The following PLA2G5 variants were observed in gnomAD, a reference collection of about 807,000 sequenced individuals.
The protein encoded by PLA2G5 is phospholipase A2 group V, also known as Ca2+-dependent phospholipase A2.
A neutral mutation model predicts 15.9 loss-of-function variants in PLA2G5; 12 were observed. That is an observed-to-expected ratio of 0.76 (90% CI 0.48 to 1.23). The LOEUF is 1.23. Among genes scored for constraint, PLA2G5 ranks in the 50% most tolerant of loss-of-function variants. The pLI is 0.00. For synonymous variants in PLA2G5, 71 were observed against 71.4 expected (o/e 0.99, Z 0.03); for missense variants, 169 against 177.1 (o/e 0.95, Z 0.26).
At chr1:20,073,200 A>G (rs2015480582) in intron 1 of PLA2G5, among the ~76,000 whole-genome samples, 1 of 152,240 alleles carries the variant, frequency 6.6e-6, no homozygotes, top group Admixed American at 6.5e-5. Flanking sequence ...AGTGGAGAGC[A>G]TTTTAGGTGG....
At position 20,091,535 on chromosome 1, in the gene PLA2G5, C is replaced by T. The variant is rs571460295; in HGVS notation, c.*843C>T. Among the ~76,000 whole-genome samples the T allele has an allele frequency of 1.3e-5, 2 of 152,302 alleles. No individual in the cohort carries two copies. The highest frequency in any genetic ancestry group is 4.8e-5 in the African/African-American group (2 of 41,564). On this transcript the variant is annotated 3_prime_UTR_variant, in exon 5 of 5. Coordinates refer to ENST00000375108, the MANE Select transcript of PLA2G5 (RefSeq NM_000929.3). ...TCAGTCTCTTTGAGAAATAAACTGT[C>T]TTGTTCCTTGCAATGTAAAATGAGA...
At chr1:20,034,829 T>G (rs1272759467) in intron 1 of PLA2G5, among the ~76,000 whole-genome samples, 1 of 152,036 alleles carries the variant, frequency 6.6e-6, no homozygotes, top group Non-Finnish European at 1.5e-5. Flanking sequence ...CAGGCCATGG[T>G]CACCTGGTGA....
rs2013479508 is a variant in PLA2G5, at chr1:20,039,702, G to A, written n.276+10993G>A. On this transcript the variant is annotated intron_variant and non_coding_transcript_variant, in intron 1 of 6. Transcript: ENST00000460175. ...GAGAGAGAGAGAGAAGCCATTTTTT[G>A]TGTGCCATGTCTTATAAGAACTTTA... Among the ~76,000 whole-genome samples the A allele has an allele frequency of 3.9e-5, 6 of 152,130 alleles. No homozygotes were observed. The South Asian group carries it at 1.2e-3, about 32-fold the overall frequency.
At chr1:20,086,926 T>C (rs1030185969) in intron 3 of PLA2G5, among the ~76,000 whole-genome samples, 3 of 152,226 alleles carry the variant, frequency 2.0e-5, no homozygotes, top group African/African-American at 7.2e-5. Context: ...TTAACAATTC[T>C]GATACTGCTA....
intron 2 of PLA2G5, 133 bp downstream of exon 2, chr1:20,085,003 T>C: frequency 5.4e-6 from 4 of 747,568 alleles, no homozygotes; most frequent in Non-Finnish European, 9.8e-6. Flanking sequence ...TGCATAGACA[T>C]TCAGCAAGAG....
At chr1:20,045,069 T>C (rs2013820729) in intron 1 of PLA2G5, among the ~76,000 whole-genome samples, 1 of 152,134 alleles carries the variant, frequency 6.6e-6, no homozygotes, top group Admixed American at 6.5e-5. Context: ...GAAAGTGCCA[T>C]TTTCTGGTTA....
chr1:20,091,626 A>G lies in PLA2G5; in HGVS notation c.*934A>G, dbSNP rs1023200500. Among the ~76,000 whole-genome samples the G allele has an allele frequency of 6.6e-6, 1 of 151,752 alleles. No homozygotes were observed. Among genetic ancestry groups the G allele is most frequent in the Non-Finnish European group, 1.5e-5 (1 of 67,952 alleles). On this transcript the variant is annotated 3_prime_UTR_variant, in exon 5 of 5. Transcript: ENST00000375108. Reference sequence around the variant, plus strand: ...GGTTCTAGGATTTCACACAGCAGGAATTTTTTTTTAATAGGTGTCAGCTGT... The same window carrying G: ...GGTTCTAGGATTTCACACAGCAGGAGTTTTTTTTTAATAGGTGTCAGCTGT...
At chr1:20,075,601 C>T (rs934535707) in intron 1 of PLA2G5, among the ~76,000 whole-genome samples, 1 of 152,208 alleles carries the variant, frequency 6.6e-6, no homozygotes, top group Non-Finnish European at 1.5e-5. Context: ...ACCATGCATC[C>T]AGCCTCAGTC....
Position 20,090,555 on chromosome 1 carries a change from TG to T in PLA2G5, c.293-12del. ...CTTCCCACCCTCATTCTGCTCTTGG[TG>T]TCCTTTTGCAGAGCCCGGGCCCTTC... On this transcript the variant is annotated splice_polypyrimidine_tract_variant and intron_variant, in intron 4 of 4. Coordinates refer to ENST00000375108, the MANE Select transcript of PLA2G5 (RefSeq NM_000929.3). The T allele has an allele frequency of 6.2e-7, 1 of 1,614,040 alleles. No individual in the cohort carries two copies. The highest frequency in any genetic ancestry group is 8.5e-7 in the Non-Finnish European group (1 of 1,179,920).
rs1019185738 is a variant in PLA2G5 at position 20,089,856 on chromosome 1, T to C, written c.253T>C (p.Ser85Pro). The C allele has an allele frequency of 4.3e-6, 7 of 1,614,094 alleles. No homozygotes were observed. The South Asian group carries it at 7.7e-5, about 18-fold the overall frequency. ...EEKGCNIRTQ[S>P]YKYRFAWGVV... Reference sequence around the variant, plus strand: ...GAAGGGCTGCAACATTCGCACACAGTCCTACAAATACAGATTCGCGTGGGG... The same window carrying C: ...GAAGGGCTGCAACATTCGCACACAGCCCTACAAATACAGATTCGCGTGGGG... The change falls in exon 4 of 5, where the codon TCC becomes CCC. Residue 85 changes from serine (S) to proline (P), a missense_variant. Coordinates refer to ENST00000375108, the MANE Select transcript of PLA2G5 (RefSeq NM_000929.3).
At chr1:20,081,573 C>T (rs754728278) in intron 1 of PLA2G5, among the ~76,000 whole-genome samples, 4 of 151,676 alleles carry the variant, frequency 2.6e-5, no homozygotes, top group South Asian at 2.1e-4. Flanking sequence ...AGTTTAGGAC[C>T]GGTCAGTTTG....
chr1:20,038,706 G>T (rs1352069217), intron 1 of PLA2G5, among the ~76,000 whole-genome samples: 2 of 152,142 alleles, frequency 1.3e-5, no homozygotes, highest in Non-Finnish European at 2.9e-5. Flanking sequence ...TTGTGCCCAG[G>T]AGTTTGAAGT....
At chr1:20,050,066 G>A (rs1440469327) in intron 1 of PLA2G5, among the ~76,000 whole-genome samples, 1 of 152,022 alleles carries the variant, frequency 6.6e-6, no homozygotes, top group Non-Finnish European at 1.5e-5. Flanking sequence ...TAGATTTTAA[G>A]GTTTATTGAA....
At chr1:20,056,207 C>G (rs2100435403) in intron 1 of PLA2G5, among the ~76,000 whole-genome samples, 1 of 152,254 alleles carries the variant, frequency 6.6e-6, no homozygotes, top group South Asian at 2.1e-4. Flanking sequence ...CCTCTTGCAT[C>G]ATCAGCATCC....
chr1:20,086,047 C>G (rs2016270330), intron 2 of PLA2G5, 36 bp from the exon 3 acceptor site: 1 of 1,611,978 alleles, frequency 6.2e-7, no homozygotes, highest in Non-Finnish European at 8.5e-7. Context: ...GGCTGGGCTG[C>G]CTGGGTGTCA....
rs545421799 is a variant in PLA2G5 at position 20,057,774 on chromosome 1, C to T, written n.277-1858C>T. ...TTGACCTCTCAAAGTGCTGGGATTACAGGCATGAGCCACCGCACCCTACTG... is the reference window on the plus strand; with the variant it reads ...TTGACCTCTCAAAGTGCTGGGATTATAGGCATGAGCCACCGCACCCTACTG... On this transcript the variant is annotated intron_variant and non_coding_transcript_variant, in intron 1 of 6. Coordinates refer to the PLA2G5 transcript ENST00000460175. Among the ~76,000 whole-genome samples, 4 of 152,308 alleles carry T rather than the reference C, an allele frequency of 2.6e-5. No individual in the cohort carries two copies. The East Asian group carries it at 5.8e-4, about 22-fold the overall frequency.
chr1:20,040,104 A>C (rs1295077397), intron 1 of PLA2G5, among the ~76,000 whole-genome samples: 1 of 152,132 alleles, frequency 6.6e-6, no homozygotes, highest in Non-Finnish European at 1.5e-5. Context: ...CAAACAAAAA[A>C]CTGTCCTTCC....
intron 1 of PLA2G5, among the ~76,000 whole-genome samples, chr1:20,044,425 C>T (rs561359598): frequency 1.1e-4 from 17 of 152,082 alleles, no homozygotes; most frequent in African/African-American, 4.1e-4. Context: ...ATGTCTGGAG[C>T]AGATTAGGTA....
chr1:20,058,697 G>A (rs565604373), intron 1 of PLA2G5, among the ~76,000 whole-genome samples: 1 of 152,148 alleles, frequency 6.6e-6, no homozygotes. Flanking sequence ...TGTAGGAGGG[G>A]TGTTAAATTC....
Sources: gnomAD v4.1 joint callset for allele counts (sites outside exome capture counted in the v4.1 genomes callset) on GRCh38, gnomAD v4.1.1 for gene constraint, MANE v1.5 for transcripts, NCBI Gene and HGNC (gene_info 2026-07-23, HGNC 2026-07-21) for gene names.